CADM2: variants seen among roughly 807,000 people sequenced by gnomAD.
The protein encoded by CADM2 is cell adhesion molecule 2.
CADM2 carries 12 observed loss-of-function variants against 49.8 expected under a neutral mutation model. The ratio of observed to expected loss-of-function variants is 0.24; its 90% CI spans 0.15 to 0.39. CADM2 has a LOEUF of 0.39. Among genes scored for constraint, CADM2 ranks in the 10% least tolerant of loss-of-function variants. The probability of loss-of-function intolerance (pLI) is 1.00; values close to 1 mark genes in which losing one functional copy is unlikely to be tolerated. For missense variants in CADM2, 378 were observed against 492.3 expected (o/e 0.77, Z 2.20); for synonymous variants, 214 against 175.4 (o/e 1.22, Z -1.74).
chr3:85,959,419 C>T (rs948744909), intron 7 of CADM2, among the ~76,000 whole-genome samples: 1 of 151,878 alleles, frequency 6.6e-6, no homozygotes, highest in African/African-American at 2.4e-5. Context: ...CCTCAGCTCC[C>T]TGGAGGTTGA....
At chr3:85,481,695 C>A (rs984804303) in intron 1 of CADM2, among the ~76,000 whole-genome samples, 1 of 151,586 alleles carries the variant, frequency 6.6e-6, no homozygotes, top group African/African-American at 2.4e-5. Context: ...TATCCCCTAG[C>A]ACAATGTCAG....
At chr3:85,120,366 A>C (rs1460691588) in intron 1 of CADM2, among the ~76,000 whole-genome samples, 1 of 152,192 alleles carries the variant, frequency 6.6e-6, no homozygotes, top group Admixed American at 6.5e-5. Context: ...TCATTCTACT[A>C]TAAAGAAACA....
At chr3:85,095,029 G>A (rs937998343) in intron 1 of CADM2, among the ~76,000 whole-genome samples, 6 of 152,210 alleles carry the variant, frequency 3.9e-5, no homozygotes, top group East Asian at 1.9e-4. Context: ...TTTGAACTTT[G>A]TTGGAACTAT....
intron 8 of CADM2, among the ~76,000 whole-genome samples, chr3:86,041,670 CA>C (rs752618984): frequency 6.6e-6 from 1 of 152,112 alleles, no homozygotes; most frequent in East Asian, 1.9e-4. Context: ...TTAGACAGAT[CA>C]ACAGACAGAA....
chr3:85,159,615 C>T (rs1274517380), intron 1 of CADM2, among the ~76,000 whole-genome samples: 2 of 152,084 alleles, frequency 1.3e-5, no homozygotes, highest in African/African-American at 2.4e-5. Context: ...CTTGTGACAG[C>T]GATTCTAGGG....
chr3:85,784,987 G>T (rs1332789143), intron 2 of CADM2, among the ~76,000 whole-genome samples: 1 of 151,996 alleles, frequency 6.6e-6, no homozygotes, highest in South Asian at 2.1e-4. Context: ...TTCAGATTTT[G>T]TATTTCTTCA....
At chr3:85,537,323 G>A (rs114409107) in intron 1 of CADM2, among the ~76,000 whole-genome samples, 2,251 of 152,046 alleles carry the variant, frequency 0.015, 58 homozygotes, top group African/African-American at 0.052. Flanking sequence ...GCATATATTA[G>A]CATTGTTAAA....
At chr3:85,447,423 T>A (rs1388091344) in intron 1 of CADM2, among the ~76,000 whole-genome samples, 2 of 152,202 alleles carry the variant, frequency 1.3e-5, no homozygotes, top group African/African-American at 4.8e-5. Context: ...AATATTTCAT[T>A]TGTTTATAAT....
At chr3:85,770,709 A>G (rs947111972) in intron 2 of CADM2, among the ~76,000 whole-genome samples, 2 of 152,174 alleles carry the variant, frequency 1.3e-5, no homozygotes, top group East Asian at 3.9e-4. Context: ...TATAGCAGAT[A>G]ATAGGAAACA....
At chr3:85,345,236 C>T (rs1290508255) in intron 1 of CADM2, among the ~76,000 whole-genome samples, 1 of 136,314 alleles carries the variant, frequency 7.3e-6, no homozygotes, top group Non-Finnish European at 1.5e-5. Context: ...ATTGCTTGAA[C>T]CCGGGAGGCA....
intron 2 of CADM2, among the ~76,000 whole-genome samples, chr3:85,736,654 T>G (rs1400281334): frequency 6.6e-6 from 1 of 152,176 alleles, no homozygotes; most frequent in Non-Finnish European, 1.5e-5. Flanking sequence ...TCAATTATTA[T>G]TATTTCCTTG....
intron 1 of CADM2, among the ~76,000 whole-genome samples, chr3:85,490,603 A>C (rs996356859): frequency 6.6e-6 from 1 of 152,086 alleles, no homozygotes; most frequent in Non-Finnish European, 1.5e-5. Context: ...CAAAAAATCC[A>C]AAATCCAAAA....
intron 1 of CADM2, among the ~76,000 whole-genome samples, chr3:84,992,741 A>G (rs185471564): frequency 6.6e-6 from 1 of 152,186 alleles, no homozygotes; most frequent in Non-Finnish European, 1.5e-5. Flanking sequence ...GCTACTAACT[A>G]GTAAGAGCAT....
intron 1 of CADM2, among the ~76,000 whole-genome samples, chr3:85,526,979 C>A (rs2061173150): frequency 6.6e-6 from 1 of 152,120 alleles, no homozygotes; most frequent in Non-Finnish European, 1.5e-5. Flanking sequence ...GATTAAGCTT[C>A]TTTGTCGTAA....
At chr3:85,724,421 G>C (rs1310670203) in intron 1 of CADM2, among the ~76,000 whole-genome samples, 2 of 151,716 alleles carry the variant, frequency 1.3e-5, no homozygotes, top group African/African-American at 2.4e-5. Context: ...CACTACAACA[G>C]TGCCTAAGAG....
intron 1 of CADM2, among the ~76,000 whole-genome samples, chr3:85,560,314 A>C (rs1253595972): frequency 2.0e-5 from 3 of 152,250 alleles, no homozygotes; most frequent in African/African-American, 7.2e-5. Flanking sequence ...AGTTTCTGGC[A>C]GTAGTCACTT....
At chr3:85,020,434 G>A (rs2034446984) in intron 1 of CADM2, among the ~76,000 whole-genome samples, 1 of 151,970 alleles carries the variant, frequency 6.6e-6, no homozygotes, top group Non-Finnish European at 1.5e-5. Context: ...GAGGTATAAT[G>A]AACATATCAA....
intron 1 of CADM2, among the ~76,000 whole-genome samples, chr3:85,481,479 A>G (rs2039207691): frequency 6.6e-6 from 1 of 151,698 alleles, no homozygotes; most frequent in Non-Finnish European, 1.5e-5. Context: ...CAATCTACTA[A>G]CAGCATGGCT....
intron 1 of CADM2, among the ~76,000 whole-genome samples, chr3:85,089,805 C>T (rs188320240): frequency 2.0e-5 from 3 of 152,258 alleles, no homozygotes; most frequent in Non-Finnish European, 2.9e-5. Context: ...TTCTTGCCCA[C>T]AGTTCTTTTC....
Sources: gnomAD v4.1 joint callset for allele counts (sites outside exome capture counted in the v4.1 genomes callset) on GRCh38, gnomAD v4.1.1 for gene constraint, MANE v1.5 for transcripts, NCBI Gene and HGNC (gene_info 2026-07-23, HGNC 2026-07-21) for gene names.